CEMIP: variants seen among roughly 807,000 people sequenced by gnomAD.
CEMIP encodes cell migration-inducing and hyaluronan-binding protein.
CEMIP carries 105 observed loss-of-function variants against 156.9 expected under a neutral mutation model. The ratio of observed to expected loss-of-function variants is 0.67; its 90% CI spans 0.57 to 0.79. The LOEUF is 0.79. Among genes scored for constraint, CEMIP ranks in the 30% least tolerant of loss-of-function variants. The probability of loss-of-function intolerance (pLI) is 0.00; values close to 1 mark genes in which losing one functional copy is unlikely to be tolerated. For missense variants in CEMIP, 1,457 were observed against 1,769.4 expected (o/e 0.82, Z 3.17); for synonymous variants, 676 against 668.4 (o/e 1.01, Z -0.17).
At chr15:80,868,940 G>T (rs1161850170) in intron 1 of CEMIP, among the ~76,000 whole-genome samples, 1 of 152,208 alleles carries the variant, frequency 6.6e-6, no homozygotes, top group East Asian at 1.9e-4. Flanking sequence ...GTGTTAGTTT[G>T]CTAGGGCTGC....
chr15:80,939,868 T>C (rs1182806675), intron 25 of CEMIP, among the ~76,000 whole-genome samples: 1 of 152,198 alleles, frequency 6.6e-6, no homozygotes, highest in Non-Finnish European at 1.5e-5. Context: ...TAATCTACTA[T>C]GGGCTAGGAT....
chr15:80,877,774 G>A (rs561192758), intron 3 of CEMIP, among the ~76,000 whole-genome samples: 9 of 152,254 alleles, frequency 5.9e-5, no homozygotes, highest in Non-Finnish European at 8.8e-5. Context: ...ACCCACCCCC[G>A]GTCTTTTTAG....
Position 80,925,662 on chromosome 15 carries a change from G to C in CEMIP, c.2327G>C (p.Arg776Pro). The C allele has an allele frequency of 6.2e-7, 1 of 1,613,610 alleles. No homozygotes were observed. Among genetic ancestry groups the C allele is most frequent in the African/African-American group, 1.3e-5 (1 of 75,010 alleles). ...PHQDADPLKP[R>P]EPAIIRHFIA... ...CAGGACGCCGACCCGCTGAAGCCCC[G>C]GGAGCCGGCCATCATCAGACACTTC... Residue 776 changes from arginine to proline, a missense_variant, in exon 19 of 30, where the codon CGG (arginine) becomes CCG (proline). By Grantham distance (103) the Arg-to-Pro change is moderately radical. Transcript: ENST00000394685.
chr15:80,922,020 T>G lies in CEMIP; in HGVS notation c.2085T>G (p.Phe695Leu), dbSNP rs1900491864. 1 of 1,614,096 alleles carries G rather than the reference T, an allele frequency of 6.2e-7. No homozygotes were observed. The highest frequency in any genetic ancestry group is 1.3e-5 in the African/African-American group (1 of 74,924). ...CAAAGSEETG[F>L]WFIFHHVPTG... ...TCCTTCCCCAACAGGAAACTGGATT[T>G]TGGTTTATTTTTCACCACGTACCAA... Residue 695 changes from phenylalanine (F) to leucine (L), a missense_variant, in exon 17 of 30, where the codon TTT becomes TTG. Around this residue, in one of 5 missense-constraint regions of CEMIP, gnomAD observed 798 missense variants for 980.1 expected, o/e 0.81. Coordinates refer to ENST00000394685, the MANE Select transcript of CEMIP (RefSeq NM_001293298.2).
At position 80,909,192 on chromosome 15, in the gene CEMIP, G is replaced by C. The variant is rs780882726; in HGVS notation, c.1683G>C (p.Leu561=). 4 of 1,614,120 alleles carry C rather than the reference G, an allele frequency of 2.5e-6. No homozygotes were observed. The highest frequency in any genetic ancestry group is 3.4e-6 in the Non-Finnish European group (4 of 1,180,020). The part of the protein sequence containing the change: ...LVGQYPIHFH[L]AGDVDERGGY... ...GTCAGTACCCGATTCACTTCCACCT[G>C]GCCGGTGATGTAGACGAAAGGGGAG... The change falls in exon 14 of 30, where the codon CTG becomes CTC. Residue 561 remains leucine (L), a synonymous_variant. Transcript: ENST00000394685.
chr15:80,812,808 G>A (rs1896701096), intron 1 of CEMIP, among the ~76,000 whole-genome samples: 1 of 152,128 alleles, frequency 6.6e-6, no homozygotes, highest in Admixed American at 6.5e-5. Context: ...GAAAACACTG[G>A]AATGAAAGTG....
intron 1 of CEMIP, among the ~76,000 whole-genome samples, chr15:80,834,523 A>G (rs561271423): frequency 5.3e-4 from 81 of 152,354 alleles, no homozygotes; most frequent in African/African-American, 1.9e-3. Context: ...AGCAACTTTT[A>G]TTGAAAACAT....
intron 25 of CEMIP, 142 bp downstream of exon 25, chr15:80,938,121 G>T: frequency 1.4e-6 from 1 of 710,864 alleles, no homozygotes; most frequent in African/African-American, 1.7e-5. Context: ...CTCTAAGGCT[G>T]ACTGTCCCAT....
Position 80,924,603 on chromosome 15 carries a change from A to C in CEMIP, c.2203-18A>C. The C allele has an allele frequency of 1.2e-6, 2 of 1,612,158 alleles. No individual in the cohort carries two copies. Among genetic ancestry groups the C allele is most frequent in the Non-Finnish European group, 1.7e-6 (2 of 1,178,230 alleles). ...CACAGTAGAAACTAATGTGTCCCTG[A>C]ATATCTCTTCCCTGCAGGCTGGCAT... On this transcript the variant is annotated intron_variant, in intron 17 of 29. Coordinates refer to ENST00000394685, the MANE Select transcript of CEMIP (RefSeq NM_001293298.2).
chr15:80,795,651 A>C (rs1896204797), intron 1 of CEMIP, among the ~76,000 whole-genome samples: 1 of 152,176 alleles, frequency 6.6e-6, no homozygotes, highest in Non-Finnish European at 1.5e-5. Flanking sequence ...TGCTCTTGAA[A>C]AGCCAGGTGC....
intron 1 of CEMIP, among the ~76,000 whole-genome samples, chr15:80,800,019 T>TTG (rs1428935403): frequency 3.6e-5 from 2 of 55,148 alleles, no homozygotes; most frequent in Non-Finnish European, 7.1e-5. Context: ...CCAGCTAATT[T>TTG]TATGTGTGTG....
intron 1 of CEMIP, among the ~76,000 whole-genome samples, chr15:80,829,965 G>GGTGT (rs370594946): frequency 0.15 from 20,062 of 133,540 alleles, 1,499 homozygotes; most frequent in Middle Eastern, 0.23. Context: ...GGAGGTAGCG[G>GGTGT]GTGTGTGTGT....
chr15:80,854,295 A>G (rs997738245), intron 1 of CEMIP, among the ~76,000 whole-genome samples: 4 of 152,264 alleles, frequency 2.6e-5, no homozygotes, highest in Admixed American at 6.5e-5. Flanking sequence ...ATGTAGCCAG[A>G]GCCTGAGGCG....
At chr15:80,900,868 G>A in intron 12 of CEMIP, 1 of 450,830 alleles carries the variant, frequency 2.2e-6, no homozygotes, top group Non-Finnish European at 4.5e-6. Context: ...TCTTCCCCAG[G>A]CTGGCTGCAG....
In CEMIP at chr15:80,921,213, C is replaced by A; in HGVS notation, c.2073+112C>A. 3.0e-6 allele frequency: 3 copies of A among 997,806 alleles called. No homozygotes were observed. The East Asian group carries it at 7.7e-5, about 26-fold the overall frequency. 61.8% of individuals were successfully genotyped at this position (997,806 alleles called of 1,614,324 possible). A position where few individuals can be genotyped will look rare whatever the true frequency, so the allele number is the denominator to read the frequency against. ...TGCTCTGAGCCCCAAGCCCAGATATCCATGCAGACGGGCTTAGCTGTGGTG... is the reference window on the plus strand; with the variant it reads ...TGCTCTGAGCCCCAAGCCCAGATATACATGCAGACGGGCTTAGCTGTGGTG... On this transcript the variant is annotated intron_variant, in intron 16 of 29. Coordinates refer to ENST00000394685, the MANE Select transcript of CEMIP (RefSeq NM_001293298.2).
intron 1 of CEMIP, among the ~76,000 whole-genome samples, chr15:80,849,257 G>A (rs949249831): frequency 1.8e-4 from 28 of 152,062 alleles, no homozygotes; most frequent in African/African-American, 6.5e-4. Flanking sequence ...GGGATTATAG[G>A]TGAATGAGCC....
At chr15:80,868,514 T>TG (rs1427393786) in intron 1 of CEMIP, among the ~76,000 whole-genome samples, 4 of 152,210 alleles carry the variant, frequency 2.6e-5, no homozygotes. Flanking sequence ...GCAAGTTTCC[T>TG]GGGGAAACAG....
At position 80,937,939 on chromosome 15, in the gene CEMIP, T is replaced by G. The variant is rs1010703275; in HGVS notation, c.3367T>G (p.Tyr1123Asp). The change falls in exon 25 of 30, where the codon TAC becomes GAC. Residue 1123 changes from tyrosine to aspartate, a missense_variant. This residue lies in a region of CEMIP where 798 missense variants were observed against 980.1 expected (regional missense o/e 0.81). Coordinates refer to ENST00000394685, the MANE Select transcript of CEMIP (RefSeq NM_001293298.2). Reference protein sequence around the residue: ...TLQMDKVEQSYPGRSHYYWDE... With the variant: ...TLQMDKVEQSDPGRSHYYWDE... ...GCAGATGGACAAAGTGGAGCAGAGC[T>G]ACCCTGGCAGGAGCCACTACTACTG... 6.2e-7 allele frequency: 1 copy of G among 1,614,190 alleles called. No individual in the cohort carries two copies. Among genetic ancestry groups the G allele is most frequent in the Non-Finnish European group, 8.5e-7 (1 of 1,180,030 alleles).
intron 18 of CEMIP, among the ~76,000 whole-genome samples, chr15:80,924,946 G>A (rs1221810868): frequency 6.6e-6 from 1 of 152,210 alleles, no homozygotes; most frequent in African/African-American, 2.4e-5. Flanking sequence ...AGATCCCTCA[G>A]CAAAGTGAAT....
Sources: allele counts gnomAD v4.1 joint callset (sites outside exome capture counted in the v4.1 genomes callset), GRCh38; gene constraint gnomAD v4.1.1; regional missense constraint gnomAD v4.1.1; transcripts MANE v1.5; gene names NCBI Gene and HGNC (gene_info 2026-07-23, HGNC 2026-07-21).